Variants in SOCS6 observed in about 807,000 individuals in gnomAD.
The protein encoded by SOCS6 is STAT induced STAT inhibitor-4.
A neutral mutation model predicts 27.7 loss-of-function variants in SOCS6; 5 were observed. That is an observed-to-expected ratio of 0.18 (90% CI 0.09 to 0.38). The LOEUF is 0.38. Among genes scored for constraint, SOCS6 ranks in the 10% least tolerant of loss-of-function variants. The pLI is 1.00. For synonymous variants in SOCS6, 271 were observed against 260.0 expected, an observed-to-expected ratio of 1.04 and a Z score of -0.41; for missense variants, 595 against 688.1, an observed-to-expected ratio of 0.86 and a Z score of 1.51.
chr18:70,329,444 G>A lies in SOCS6; in HGVS notation c.*3168G>A, dbSNP rs1377594316. On this transcript the variant is annotated 3_prime_UTR_variant, in exon 2 of 2. Transcript: ENST00000397942. Reference sequence around the variant, plus strand: ...GTTATAAAATCTAACATAGGTTAATGCAATGTCTCTGCTAGTGCTACAAGT... The same window carrying A: ...GTTATAAAATCTAACATAGGTTAATACAATGTCTCTGCTAGTGCTACAAGT... 1 of 167,076 alleles carries A rather than the reference G, an allele frequency of 6.0e-6. No individual in the cohort carries two copies. Among genetic ancestry groups the A allele is most frequent in the African/African-American group, 2.4e-5 (1 of 41,454 alleles). 10.3% of individuals were successfully genotyped at this position (167,076 alleles called of 1,614,324 possible).
intron 1 of SOCS6, among the ~76,000 whole-genome samples, chr18:70,296,029 T>TATAC (rs1301700759): frequency 2.0e-5 from 3 of 152,194 alleles, no homozygotes; most frequent in Non-Finnish European, 4.4e-5. Flanking sequence ...AGGAACAGTA[T>TATAC]CTAAAACAGG....
intron 1 of SOCS6, among the ~76,000 whole-genome samples, chr18:70,299,363 A>G (rs1568597200): frequency 2.0e-5 from 3 of 152,168 alleles, no homozygotes; most frequent in Admixed American, 1.3e-4. Context: ...TATTAAGGGC[A>G]CAACTCAGCA....
At chr18:70,299,464 T>G (rs1049820676) in intron 1 of SOCS6, among the ~76,000 whole-genome samples, 1 of 152,172 alleles carries the variant, frequency 6.6e-6, no homozygotes, top group East Asian at 1.9e-4. Context: ...AGCTCACCCT[T>G]GTGTGTGCAA....
intron 1 of SOCS6, among the ~76,000 whole-genome samples, chr18:70,311,361 C>T (rs2062390073): frequency 6.6e-6 from 1 of 152,136 alleles, no homozygotes; most frequent in African/African-American, 2.4e-5. Flanking sequence ...ACAATTCCAA[C>T]AGTTTGGGAA....
intron 1 of SOCS6, among the ~76,000 whole-genome samples, chr18:70,292,657 A>G (rs2062305242): frequency 6.6e-6 from 1 of 152,118 alleles, no homozygotes; most frequent in African/African-American, 2.4e-5. Flanking sequence ...CAAAAATCCA[A>G]ACTCTTCCTC....
intron 1 of SOCS6, among the ~76,000 whole-genome samples, chr18:70,307,935 G>A (rs1255873500): frequency 6.6e-6 from 1 of 152,038 alleles, no homozygotes. Context: ...TTAGGTTATT[G>A]ATTTGAGATA....
At chr18:70,302,253 TC>T (rs34782702) in intron 1 of SOCS6, among the ~76,000 whole-genome samples, 45,057 of 151,664 alleles carry the variant, frequency 0.3, 7,672 homozygotes, top group East Asian at 0.73. Context: ...TCCAAGGTCT[TC>T]TGATGTCGTT....
intron 1 of SOCS6, among the ~76,000 whole-genome samples, chr18:70,319,460 T>G (rs1475693542): frequency 6.6e-6 from 1 of 152,174 alleles, no homozygotes; most frequent in Non-Finnish European, 1.5e-5. Context: ...TCCTGAAACA[T>G]CATTTGTCTT....
intron 1 of SOCS6, among the ~76,000 whole-genome samples, chr18:70,307,131 T>A (rs1249992918): frequency 3.3e-5 from 5 of 152,078 alleles, no homozygotes; most frequent in Admixed American, 6.5e-5. Flanking sequence ...GGTGTGCTGG[T>A]GCGTGCCTGT....
chr18:70,323,180 G>A (rs1223132139), intron 1 of SOCS6, among the ~76,000 whole-genome samples: 1 of 152,194 alleles, frequency 6.6e-6, no homozygotes, highest in African/African-American at 2.4e-5. Context: ...TCAGAATCTT[G>A]TTCTGGGCTT....
chr18:70,316,135 C>T, intron 1 of SOCS6, among the ~76,000 whole-genome samples: 1 of 152,192 alleles, frequency 6.6e-6, no homozygotes, highest in East Asian at 1.9e-4. Context: ...CAGGCATGAG[C>T]CACCTCGCCC....
chr18:70,323,291 A>AAC (rs151331929), intron 1 of SOCS6, among the ~76,000 whole-genome samples: 2,534 of 152,280 alleles, frequency 0.017, 69 homozygotes, highest in African/African-American at 0.057. Context: ...ACACAGTTTA[A>AAC]ACACAGGGCC....
At chr18:70,319,654 A>G (rs929377173) in intron 1 of SOCS6, among the ~76,000 whole-genome samples, 12 of 151,188 alleles carry the variant, frequency 7.9e-5, no homozygotes, top group African/African-American at 2.9e-4. Flanking sequence ...TACGGATGCC[A>G]TTGATGAAGC....
rs750564600 is a variant in SOCS6, at chr18:70,325,015, T to G, written c.347T>G (p.Val116Gly). The change falls in exon 2 of 2, where the codon GTG becomes GGG. Residue 116 changes from valine to glycine, a missense_variant. This residue lies in a region of SOCS6 where 467 missense variants were observed against 481.1 expected (regional missense o/e 0.97). Transcript: ENST00000397942. The surrounding 1 kb of genome is among the most constrained non-coding windows in gnomAD (Gnocchi z 6.3). ...TCAGCACCCATAGTCTTTAAAGACG[T>G]GAGAGCTCAGAGGCCGATAAGGTCC... is the stretch of plus-strand genomic sequence containing the variant. ...SSSAPIVFKD[V>G]RAQRPIRSTS... 1.9e-6 allele frequency: 3 copies of G among 1,614,050 alleles called. No homozygotes were observed. Among genetic ancestry groups the G allele is most frequent in the Non-Finnish European group, 1.7e-6 (2 of 1,180,030 alleles).
At chr18:70,301,264 C>A (rs2062347024) in intron 1 of SOCS6, among the ~76,000 whole-genome samples, 1 of 152,164 alleles carries the variant, frequency 6.6e-6, no homozygotes, top group Non-Finnish European at 1.5e-5. Flanking sequence ...GGAAAGAAAG[C>A]AAGGAAACTT....
At chr18:70,290,779 G>T (rs2062295414) in intron 1 of SOCS6, among the ~76,000 whole-genome samples, 1 of 148,626 alleles carries the variant, frequency 6.7e-6, no homozygotes, top group South Asian at 2.1e-4. Context: ...ACTCCATTCA[G>T]CATCTCTTTT....
intron 1 of SOCS6, among the ~76,000 whole-genome samples, chr18:70,307,697 CTT>C (rs1178275872): frequency 6.6e-6 from 1 of 152,046 alleles, no homozygotes; most frequent in African/African-American, 2.4e-5. Context: ...GATAGCCTTT[CTT>C]TCATTTCTGA....
intron 1 of SOCS6, among the ~76,000 whole-genome samples, chr18:70,308,550 A>G (rs745779739): frequency 2.6e-5 from 4 of 152,170 alleles, no homozygotes; most frequent in Non-Finnish European, 5.9e-5. Flanking sequence ...CTATCCGGAA[A>G]AATGAAGCCT....
intron 1 of SOCS6, among the ~76,000 whole-genome samples, chr18:70,314,554 A>G (rs1344615814): frequency 2.0e-5 from 3 of 152,226 alleles, no homozygotes; most frequent in Admixed American, 1.3e-4. Flanking sequence ...CCTAGAAGCA[A>G]TAGGCTATAC....
Sources: allele counts gnomAD v4.1 joint callset (sites outside exome capture counted in the v4.1 genomes callset), GRCh38; gene constraint gnomAD v4.1.1; regional missense constraint gnomAD v4.1.1; non-coding constraint Gnocchi (gnomAD v3.1); transcripts MANE v1.5; gene names NCBI Gene and HGNC (gene_info 2026-07-23, HGNC 2026-07-21).